DNAI2: variants seen among roughly 807,000 people sequenced by gnomAD.
DNAI2 encodes the protein dynein axonemal intermediate chain 2.
DNAI2 carries 63 observed loss-of-function variants against 74.7 expected under a neutral mutation model. The observed-to-expected ratio is 0.84, with a 90% CI of 0.69 to 1.04. DNAI2 has a LOEUF of 1.04. Ranked by LOEUF, DNAI2 falls within the 50% of genes least tolerant of loss-of-function variation. The pLI, the probability that DNAI2 is intolerant of heterozygous loss-of-function variation, is 0.00. For synonymous variants in DNAI2, 289 were observed against 314.9 expected, an observed-to-expected ratio of 0.92 and a Z score of 0.87; for missense variants, 688 against 803.2, an observed-to-expected ratio of 0.86 and a Z score of 1.73.
chr17:74,309,512 G>A, intron 10 of DNAI2, 124 bp downstream of exon 10: 3 of 1,368,566 alleles, frequency 2.2e-6, no homozygotes, highest in Non-Finnish European at 3.1e-6. Flanking sequence ...GGCCTCTGTG[G>A]GGGAGCCGTG....
chr17:74,309,900 G>T lies in DNAI2; in HGVS notation c.1348-117G>T, dbSNP rs1262345640. The T allele has an allele frequency of 3.6e-6, 5 of 1,372,328 alleles. No individual in the cohort carries two copies. The Admixed American group carries it at 8.5e-5, about 23-fold the overall frequency. The allele number at this position is 1,372,328 out of a possible 1,614,324, so 85.0% of individuals were successfully genotyped here. ...TGAACTTCATCCTGTGGGCAGAGGC[G>T]TCCTGAGGATGTTTGAATAGGGCCA... is the stretch of plus-strand genomic sequence containing the variant. On this transcript the variant is annotated intron_variant, in intron 10 of 13. Coordinates refer to ENST00000311014, the MANE Select transcript of DNAI2 (RefSeq NM_023036.6).
intron 1 of DNAI2, among the ~76,000 whole-genome samples, chr17:74,280,046 A>G (rs1422246292): frequency 6.6e-6 from 1 of 152,166 alleles, no homozygotes. Context: ...GGCAGACGGA[A>G]ATCTCTGCTA....
rs144786630 is a variant in DNAI2, at chr17:74,289,724, A to C, written c.598A>C (p.Ile200Leu). ...TGTGGGCATGAGCAGCGATTCATAC[A>C]TCTGGGACCTGGGTGAGAAGCAGCG... ...APVGMSSDSY[I>L]WDLENPNKPE... Residue 200 changes from isoleucine to leucine, a missense_variant, in exon 5 of 14, where the codon ATC (isoleucine) becomes CTC (leucine). Physicochemically the swap from Ile to Leu is conservative, Grantham distance 5. Transcript: ENST00000311014. 1.0e-3 allele frequency: 1,606 copies of C among 1,613,946 alleles called. 3 individuals are homozygous for C. The highest frequency in any genetic ancestry group is 7.1e-4 in the Non-Finnish European group (833 of 1,179,972).
chr17:74,314,499 C>A, intron 13 of DNAI2, 90 bp from the exon 14 acceptor site: 1 of 433,886 alleles, frequency 2.3e-6, no homozygotes, highest in Non-Finnish European at 4.3e-6. Context: ...ACCCCAAGGC[C>A]GAGGCCACCT....
At chr17:74,296,027 C>T (rs1401079460) in intron 6 of DNAI2, among the ~76,000 whole-genome samples, 1 of 152,078 alleles carries the variant, frequency 6.6e-6, no homozygotes, top group African/African-American at 2.4e-5. Flanking sequence ...AGGGCTTTAT[C>T]GGTTTTCCTG....
At chr17:74,297,290 C>T (rs1050957997) in intron 6 of DNAI2, among the ~76,000 whole-genome samples, 4 of 150,748 alleles carry the variant, frequency 2.7e-5, no homozygotes, top group Non-Finnish European at 5.9e-5. Context: ...GACGGGGTTT[C>T]ACTGTGTTAG....
chr17:74,291,319 C>A (rs912163401), intron 6 of DNAI2, among the ~76,000 whole-genome samples, 186 bp downstream of exon 6: 1 of 152,154 alleles, frequency 6.6e-6, no homozygotes, highest in Non-Finnish European at 1.5e-5. Flanking sequence ...CACCACCACA[C>A]CTGGCTAATT....
At chr17:74,301,209 A>C (rs1351775525) in intron 8 of DNAI2, 41 bp downstream of exon 8, 1 of 1,610,694 alleles carries the variant, frequency 6.2e-7, no homozygotes. Context: ...TTGCATTGAC[A>C]GGGCAGCCAG....
intron 8 of DNAI2, among the ~76,000 whole-genome samples, chr17:74,303,135 G>A (rs551235814): frequency 6.6e-5 from 10 of 152,238 alleles, no homozygotes; most frequent in Admixed American, 1.3e-4. Flanking sequence ...CAACCATCTC[G>A]TGGGGTAATG....
chr17:74,309,772 G>A, intron 10 of DNAI2: 1 of 642,818 alleles, frequency 1.6e-6, no homozygotes, highest in South Asian at 1.8e-5. Flanking sequence ...ACGGAAGGGT[G>A]GGGGCATTGG....
intron 12 of DNAI2, among the ~76,000 whole-genome samples, chr17:74,313,057 G>A (rs752702719): frequency 6.6e-6 from 1 of 152,222 alleles, no homozygotes; most frequent in Admixed American, 6.5e-5. Flanking sequence ...CGTTTAAAAA[G>A]TATTAATAAT....
chr17:74,307,703 TAAAA>T (rs59546087), intron 9 of DNAI2, among the ~76,000 whole-genome samples: 2 of 142,046 alleles, frequency 1.4e-5, no homozygotes, highest in African/African-American at 5.6e-5. Flanking sequence ...ATCTGAATTT[TAAAA>T]AAAAAAACTA....
At chr17:74,298,737 GCAGCCTCCCGAGTAA>G (rs1470212463) in intron 6 of DNAI2, among the ~76,000 whole-genome samples, 3 of 152,068 alleles carry the variant, frequency 2.0e-5, no homozygotes, top group African/African-American at 7.2e-5. Flanking sequence ...CGAGTAGCAG[GCAGCCTCCCGAGTAA>G]CAGCCTCCCG....
intron 6 of DNAI2, among the ~76,000 whole-genome samples, chr17:74,293,723 A>T (rs963069607): frequency 6.6e-6 from 1 of 151,948 alleles, no homozygotes; most frequent in Non-Finnish European, 1.5e-5. Flanking sequence ...AAAATAAAAT[A>T]AAAAAATAAA....
Position 74,312,207 on chromosome 17 carries a change from G to A in DNAI2, c.1699G>A (p.Ala567Thr), listed in dbSNP as rs778391861. The change falls in exon 12 of 14, where the codon GCC becomes ACC. Residue 567 changes from alanine to threonine, a missense_variant. Ala to Thr is a moderately conservative substitution (Grantham distance 58). Coordinates refer to ENST00000311014, the MANE Select transcript of DNAI2 (RefSeq NM_023036.6). ...AGAGCTGAAGAAGAAGGAGGCAGAC[G>A]CCATAAAGCTGACGCCAGTGCCTGT... Reference protein sequence around the residue: ...FAELKKKEADAIKLTPVPQQP... With the variant: ...FAELKKKEADTIKLTPVPQQP... 8.2e-6 allele frequency: 13 copies of A among 1,590,978 alleles called. No individual in the cohort carries two copies. Among genetic ancestry groups the A allele is most frequent in the South Asian group, 3.4e-5 (3 of 88,980 alleles).
intron 6 of DNAI2, among the ~76,000 whole-genome samples, chr17:74,294,540 T>C (rs2052322883): frequency 6.6e-6 from 1 of 152,080 alleles, no homozygotes; most frequent in African/African-American, 2.4e-5. Flanking sequence ...GGTCTTGAAC[T>C]CCTGGCCTCA....
rs763380261 is a variant in DNAI2 at position 74,314,207 on chromosome 17, C to G, written c.1809C>G (p.Asp603Glu). The change falls in exon 13 of 14, where the codon GAC (aspartate) becomes GAG (glutamate). Residue 603 changes from aspartate to glutamate, a missense_variant. Physicochemically the swap from Asp to Glu is conservative, Grantham distance 45. Transcript: ENST00000311014. The stretch of plus-strand genomic sequence containing the variant: ...AAGGGGATGAAGAAGTGGAAGAAGA[C>G]TTAGCCTAGAAGTCAGCCTTCGACT... Reference protein sequence around the residue: ...GEEGDEEVEEDLA With the variant: ...GEEGDEEVEEELA 2 of 1,614,184 alleles carry G rather than the reference C, an allele frequency of 1.2e-6. No individual in the cohort carries two copies. The highest frequency in any genetic ancestry group is 1.7e-6 in the Non-Finnish European group (2 of 1,179,980).
At chr17:74,274,864 A>T (rs1326309400) in intron 1 of DNAI2, among the ~76,000 whole-genome samples, 2 of 152,092 alleles carry the variant, frequency 1.3e-5, no homozygotes, top group Non-Finnish European at 2.9e-5. Context: ...CGTGTGATCG[A>T]GGTCATACAG....
At chr17:74,302,006 G>A (rs1377369897) in intron 8 of DNAI2, among the ~76,000 whole-genome samples, 2 of 37,486 alleles carry the variant, frequency 5.3e-5, no homozygotes, top group Non-Finnish European at 5.5e-5. Flanking sequence ...AAGGAAGGAA[G>A]GAAGGAAAGA....
Sources: allele counts gnomAD v4.1 joint callset (sites outside exome capture counted in the v4.1 genomes callset), GRCh38; gene constraint gnomAD v4.1.1; transcripts MANE v1.5; gene names NCBI Gene and HGNC (gene_info 2026-07-23, HGNC 2026-07-21).